RAPGEF1: variants seen among roughly 807,000 people sequenced by gnomAD.
The protein encoded by RAPGEF1 is Rap guanine nucleotide exchange factor 1.
Under a neutral mutation model 143.3 loss-of-function variants are expected in RAPGEF1, and 33 were observed. That is an observed-to-expected ratio of 0.23 (90% CI 0.17 to 0.31). RAPGEF1 has a LOEUF of 0.31. RAPGEF1 is among the 10% of genes least tolerant of loss of function. RAPGEF1 has a pLI of 1.00. For missense variants in RAPGEF1, 1,199 were observed against 1,645.4 expected (o/e 0.73, Z 4.69); for synonymous variants, 629 against 676.5 (o/e 0.93, Z 1.09).
rs146569009 is a variant in RAPGEF1, at chr9:131,607,583, G to T, written c.2062-2395C>A. ...TGAGGGGTGGGACGGCGTGCTGCTG[G>T]GGGGGCTGCCTTCAGGGAACCCTTG... is the stretch of plus-strand genomic sequence containing the variant. On this transcript the variant is annotated intron_variant, in intron 12 of 26. Coordinates refer to ENST00000683357, the MANE Select transcript of RAPGEF1 (RefSeq NM_001377935.1). 9.2e-3 allele frequency among the ~76,000 whole-genome samples: 1,396 copies of T among 152,156 alleles called. 3 individuals carry two copies. The highest frequency in any genetic ancestry group is 0.014 in the Non-Finnish European group (978 of 68,004).
Position 131,639,430 on chromosome 9 carries a change from GCA to G in RAPGEF1, c.495-641_495-640del, listed in dbSNP as rs1438835903. Among the ~76,000 whole-genome samples the G allele has an allele frequency of 3.0e-5, 3 of 99,424 alleles. No homozygotes were observed. The Admixed American group carries it at 3.3e-4, about 11-fold the overall frequency. 65.2% of individuals were successfully genotyped at this position (99,424 alleles called of 152,430 possible). ...GTGGTGGGGATGTGAGGATGGGAAC[GCA>G]GGTGAGTGTGTGTGTGTGTGTGTGT... On this transcript the variant is annotated intron_variant, in intron 4 of 26. Transcript: ENST00000683357.
At chr9:131,734,521 G>A (rs1837294161) in intron 1 of RAPGEF1, among the ~76,000 whole-genome samples, 1 of 152,226 alleles carries the variant, frequency 6.6e-6, no homozygotes, top group East Asian at 1.9e-4. Context: ...CACTCAGTAA[G>A]TGTTAAAACG....
chr9:131,658,507 A>G lies in RAPGEF1; in HGVS notation c.62-7558T>C, dbSNP rs574567344. Among the ~76,000 whole-genome samples the G allele has an allele frequency of 2.0e-5, 3 of 152,320 alleles. No homozygotes were observed. In the East Asian group the frequency reaches 5.8e-4, roughly 29 times the overall value. On this transcript the variant is annotated intron_variant, in intron 1 of 26. Coordinates refer to ENST00000683357, the MANE Select transcript of RAPGEF1 (RefSeq NM_001377935.1). ...AGAGACTCCCAGTGACTAATCTGCT[A>G]GTCATTCCTTCCAGAGGAAGGGTGG...
At chr9:131,616,645 C>A (rs754116671) in intron 12 of RAPGEF1, among the ~76,000 whole-genome samples, 2 of 152,204 alleles carry the variant, frequency 1.3e-5, no homozygotes, top group African/African-American at 2.4e-5. Flanking sequence ...CCAAGAACCA[C>A]GTGAGGTGTC....
At chr9:131,676,365 T>TGGGGGAC (rs1483930874) in intron 1 of RAPGEF1, among the ~76,000 whole-genome samples, 1 of 152,200 alleles carries the variant, frequency 6.6e-6, no homozygotes, top group Non-Finnish European at 1.5e-5. Context: ...ATCACCTGTG[T>TGGGGGAC]GGGGGACTGA....
At chr9:131,605,943 G>A (rs1957055390) in intron 12 of RAPGEF1, among the ~76,000 whole-genome samples, 1 of 152,030 alleles carries the variant, frequency 6.6e-6, no homozygotes, top group Admixed American at 6.6e-5. Context: ...GGGTGGTGGT[G>A]AGTGCCTGCA....
At chr9:131,586,257 AACACACACAC>A (rs55722149) in intron 22 of RAPGEF1, among the ~76,000 whole-genome samples, 35 of 91,410 alleles carry the variant, frequency 3.8e-4, no homozygotes, top group African/African-American at 1.5e-3. Flanking sequence ...CTCTGTCTCA[AACACACACAC>A]ACACACACAC....
chr9:131,714,059 T>C (rs1192695529), intron 1 of RAPGEF1, among the ~76,000 whole-genome samples: 1 of 152,196 alleles, frequency 6.6e-6, no homozygotes, highest in Non-Finnish European at 1.5e-5. Context: ...AATAATTTTT[T>C]TTTTTAAGAG....
chr9:131,644,791 C>A (rs575722489), intron 3 of RAPGEF1, among the ~76,000 whole-genome samples: 1 of 151,994 alleles, frequency 6.6e-6, no homozygotes, highest in East Asian at 1.9e-4. Context: ...TAGTGACACA[C>A]CGTCTCAATT....
intron 1 of RAPGEF1, among the ~76,000 whole-genome samples, chr9:131,726,438 C>A (rs1673999458): frequency 6.6e-6 from 1 of 151,990 alleles, no homozygotes. Context: ...ACCATCCTGG[C>A]CAATGTGGTG....
At chr9:131,709,528 C>T (rs1835354462) in intron 1 of RAPGEF1, 2 of 1,187,104 alleles carry the variant, frequency 1.7e-6, no homozygotes, top group South Asian at 1.3e-5. Flanking sequence ...GAAGGTGATT[C>T]CCCAGGCACT....
At chr9:131,659,336 T>TA (rs2133605292) in intron 1 of RAPGEF1, among the ~76,000 whole-genome samples, 1 of 151,906 alleles carries the variant, frequency 6.6e-6, no homozygotes, top group Non-Finnish European at 1.5e-5. Context: ...GCTTTTTTTT[T>TA]AAATCTATTT....
At chr9:131,620,366 T>TA (rs764924448) in intron 11 of RAPGEF1, among the ~76,000 whole-genome samples, 16 of 151,860 alleles carry the variant, frequency 1.1e-4, no homozygotes, top group Non-Finnish European at 1.6e-4. Context: ...GCCTCCCAAG[T>TA]AGCTGGGAAT....
chr9:131,627,830 G>A (rs1307804096), intron 9 of RAPGEF1, 83 bp downstream of exon 9: 4 of 1,409,680 alleles, frequency 2.8e-6, no homozygotes, highest in Non-Finnish European at 3.8e-6. Context: ...ATGATTGCAT[G>A]ACCTGGGACT....
intron 1 of RAPGEF1, among the ~76,000 whole-genome samples, chr9:131,682,393 A>C (rs1187319996): frequency 1.3e-5 from 2 of 152,146 alleles, no homozygotes; most frequent in African/African-American, 2.4e-5. Context: ...ACCTCCGTAC[A>C]ATGTCTGTCA....
intron 1 of RAPGEF1, among the ~76,000 whole-genome samples, chr9:131,732,515 C>G (rs1589126101): frequency 6.6e-6 from 1 of 152,214 alleles, no homozygotes; most frequent in African/African-American, 2.4e-5. Flanking sequence ...GCATCAGAAC[C>G]GAGTGGCGGC....
At chr9:131,706,734 T>C (rs1246754847) in intron 1 of RAPGEF1, among the ~76,000 whole-genome samples, 1 of 152,206 alleles carries the variant, frequency 6.6e-6, no homozygotes, top group Non-Finnish European at 1.5e-5. Context: ...AAAACGGCTT[T>C]TCCTTCTGAG....
At chr9:131,609,173 G>A (rs965762961) in intron 12 of RAPGEF1, among the ~76,000 whole-genome samples, 1 of 152,050 alleles carries the variant, frequency 6.6e-6, no homozygotes, top group Non-Finnish European at 1.5e-5. Flanking sequence ...TCGAAACACA[G>A]CAGGGACTGC....
intron 12 of RAPGEF1, among the ~76,000 whole-genome samples, chr9:131,605,735 C>T (rs1340118386): frequency 2.7e-5 from 4 of 150,638 alleles, no homozygotes; most frequent in South Asian, 2.1e-4. Flanking sequence ...CATTTCTCTT[C>T]CTACCCCATT....
Sources: gnomAD v4.1 joint callset for allele counts (sites outside exome capture counted in the v4.1 genomes callset) on GRCh38, gnomAD v4.1.1 for gene constraint, MANE v1.5 for transcripts, NCBI Gene and HGNC (gene_info 2026-07-23, HGNC 2026-07-21) for gene names.